The following HIBCH variants were observed in gnomAD, a reference collection of about 807,000 sequenced individuals.
The protein encoded by HIBCH is 3-hydroxyisobutyryl-CoA hydrolase.
A neutral mutation model predicts 58.2 loss-of-function variants in HIBCH; 50 were observed. The ratio of observed to expected loss-of-function variants is 0.86; its 90% confidence interval spans 0.68 to 1.09. The LOEUF (loss-of-function observed/expected upper bound fraction) is 1.09, where lower values mean the gene tolerates loss of function less well. Among genes scored for constraint, HIBCH ranks in the 50% least tolerant of loss-of-function variants. HIBCH has a pLI of 0.00. For missense variants in HIBCH, 450 were observed against 449.7 expected (o/e 1.00, Z -0.01); for synonymous variants, 151 against 146.9 (o/e 1.03, Z -0.20).
chr2:190,288,948 T>C (rs1249496299), intron 5 of HIBCH, among the ~76,000 whole-genome samples: 4 of 152,032 alleles, frequency 2.6e-5, no homozygotes, highest in Non-Finnish European at 4.4e-5. Context: ...CTGTCTCTAC[T>C]TAAAATACAA....
At position 190,306,022 on chromosome 2, in the gene HIBCH, C is replaced by A. The variant is rs1219208270; in HGVS notation, c.78+4732G>T. Among the ~76,000 whole-genome samples, 1 of 152,092 alleles carries A rather than the reference C, an allele frequency of 6.6e-6. No individual in the cohort carries two copies. The highest frequency in any genetic ancestry group is 6.6e-5 in the Admixed American group (1 of 15,260). On this transcript the variant is annotated intron_variant, in intron 2 of 13. Transcript: ENST00000359678. The surrounding 1 kb of genome is among the most constrained non-coding windows in gnomAD (Gnocchi z 4.6). The stretch of plus-strand genomic sequence containing the variant: ...ATGGAATGCCATACCTTATTCTGCA[C>A]CTCCCACTGTTAATTCAGCAACTTG...
intron 7 of HIBCH, among the ~76,000 whole-genome samples, chr2:190,256,443 C>CA (rs775861983): frequency 0.018 from 1,792 of 102,032 alleles, 24 homozygotes; most frequent in Middle Eastern, 0.042. Context: ...TCCAATTCTG[C>CA]AAAAAAAAAA....
At chr2:190,268,720 T>A (rs963156005) in intron 6 of HIBCH, among the ~76,000 whole-genome samples, 1 of 152,216 alleles carries the variant, frequency 6.6e-6, no homozygotes, top group South Asian at 2.1e-4. Flanking sequence ...TTTCCAGATA[T>A]TACTATTCTA....
chr2:190,286,441 C>T (rs771593115), intron 6 of HIBCH, among the ~76,000 whole-genome samples: 8 of 152,190 alleles, frequency 5.3e-5, no homozygotes, highest in Middle Eastern at 3.4e-3. Flanking sequence ...TCTCTATTGT[C>T]AATCTGTCTT....
chr2:190,306,180 T>C lies in HIBCH; in HGVS notation c.78+4574A>G, dbSNP rs537188013. Among the ~76,000 whole-genome samples the C allele has an allele frequency of 1.3e-5, 2 of 152,200 alleles. No homozygotes were observed. Among genetic ancestry groups the C allele is most frequent in the African/African-American group, 4.8e-5 (2 of 41,526 alleles). ...TATAGAACTTAGTCAATTACTATAA[T>C]GCAAAACTCTTGTAACCACTACCTA... On this transcript the variant is annotated intron_variant, in intron 2 of 13. Coordinates refer to ENST00000359678, the MANE Select transcript of HIBCH (RefSeq NM_014362.4). The surrounding 1 kb of genome is among the most constrained non-coding windows in gnomAD (Gnocchi z 4.6).
chr2:190,265,540 T>A (rs536243703), intron 6 of HIBCH, among the ~76,000 whole-genome samples: 1 of 151,912 alleles, frequency 6.6e-6, no homozygotes, highest in African/African-American at 2.4e-5. Flanking sequence ...GTATACCAAA[T>A]ATGTTTTCAG....
At chr2:190,232,871 T>C (rs975459677) in intron 11 of HIBCH, among the ~76,000 whole-genome samples, 3 of 152,058 alleles carry the variant, frequency 2.0e-5, no homozygotes, top group Non-Finnish European at 4.4e-5. Flanking sequence ...GGCAGGAGAA[T>C]GGCGTGAACC....
At chr2:190,249,202 G>C (rs933778671) in intron 9 of HIBCH, among the ~76,000 whole-genome samples, 6 of 152,176 alleles carry the variant, frequency 3.9e-5, no homozygotes, top group Admixed American at 1.3e-4. Context: ...AGAAGTTATG[G>C]AGTGTTTTTA....
chr2:190,270,539 G>A (rs1039656594), intron 6 of HIBCH, among the ~76,000 whole-genome samples: 3 of 152,326 alleles, frequency 2.0e-5, no homozygotes, highest in Non-Finnish European at 4.4e-5. Context: ...GGGAGAATGA[G>A]TAAGCTCCTG....
chr2:190,202,957 CA>C (rs1690292175), downstream of HIBCH: 1 of 166,988 alleles, frequency 6.0e-6, no homozygotes, highest in Admixed American at 6.5e-5. Context: ...CAGTTCTTTG[CA>C]ATCTGCCTGT....
rs1003538821 is a variant in HIBCH at position 190,197,207 on chromosome 2, G to A, written c.*18-7210C>T. On this transcript the variant is annotated intron_variant, in intron 1 of 1. Coordinates refer to the HIBCH transcript ENST00000399855. This position sits in a 1 kb window ranked among gnomAD's most constrained non-coding sequence, Gnocchi z 4.0. The stretch of plus-strand genomic sequence containing the variant: ...AAGCCACAAACATCCTAGCTCACAA[G>A]CCTAAGTCATAGCCCTTTAAGAAAA... 3.9e-5 allele frequency among the ~76,000 whole-genome samples: 6 copies of A among 152,154 alleles called. No individual in the cohort carries two copies. Among genetic ancestry groups the A allele is most frequent in the Admixed American group, 1.3e-4 (2 of 15,268 alleles).
At chr2:190,248,341 T>C (rs1686668588) in intron 9 of HIBCH, among the ~76,000 whole-genome samples, 1 of 152,192 alleles carries the variant, frequency 6.6e-6, no homozygotes. Flanking sequence ...TGGGTTTTTT[T>C]TTCTTCCAAT....
At chr2:190,294,155 T>C (rs888583553) in intron 4 of HIBCH, among the ~76,000 whole-genome samples, 19 of 151,458 alleles carry the variant, frequency 1.3e-4, no homozygotes, top group Middle Eastern at 3.4e-3. Flanking sequence ...TGTGAGAGCA[T>C]GTCATATTTG....
intron 7 of HIBCH, among the ~76,000 whole-genome samples, chr2:190,260,066 A>C (rs1010003203): frequency 2.0e-5 from 3 of 152,220 alleles, no homozygotes; most frequent in Non-Finnish European, 2.9e-5. Flanking sequence ...TATTCTACGC[A>C]ATAGGGCAAG....
rs150042398 is a variant in HIBCH at position 190,306,492 on chromosome 2, G to C, written c.78+4262C>G. 3.3e-4 allele frequency among the ~76,000 whole-genome samples: 50 copies of C among 152,192 alleles called. No homozygotes were observed. Among genetic ancestry groups the C allele is most frequent in the African/African-American group, 1.1e-3 (45 of 41,520 alleles). ...ATTTACAGCTTACTAAAACCAGCAG[G>C]TTTCCCAAATTGCATGACAGTTGTA... On this transcript the variant is annotated intron_variant, in intron 2 of 13. Transcript: ENST00000359678. This position sits in a 1 kb window ranked among gnomAD's most constrained non-coding sequence, Gnocchi z 4.6.
intron 12 of HIBCH, among the ~76,000 whole-genome samples, chr2:190,212,227 G>T (rs1287844094): frequency 6.6e-6 from 1 of 152,096 alleles, no homozygotes; most frequent in Admixed American, 6.5e-5. Flanking sequence ...TTAAGACATG[G>T]CTAACAGAGT....
intron 6 of HIBCH, among the ~76,000 whole-genome samples, chr2:190,278,413 A>G (rs1177452549): frequency 2.0e-5 from 3 of 152,172 alleles, no homozygotes; most frequent in Non-Finnish European, 2.9e-5. Flanking sequence ...CACGTTGGCC[A>G]GGCTGGTCTT....
In HIBCH at chr2:190,252,407, C is replaced by A. The variant is rs1025931896; in HGVS notation, c.518-100G>T. On this transcript the variant is annotated intron_variant, in intron 7 of 13. Transcript: ENST00000359678. ...TCACACAAACCATTTCTCTCTGGAG[C>A]TTGAATATACATTACAAACATTATT... 16 of 953,298 alleles carry A rather than the reference C, an allele frequency of 1.7e-5. No individual in the cohort carries two copies. The East Asian group carries it at 3.9e-4, about 23-fold the overall frequency. 59.1% of individuals were successfully genotyped at this position (953,298 alleles called of 1,614,324 possible). A position where few individuals can be genotyped will look rare whatever the true frequency, so the allele number is the denominator to read the frequency against.
intron 6 of HIBCH, among the ~76,000 whole-genome samples, chr2:190,273,682 C>A (rs921506539): frequency 7.2e-6 from 1 of 139,444 alleles, no homozygotes; most frequent in African/African-American, 2.6e-5. Flanking sequence ...AAGAAAGCTC[C>A]TTTCATATCT....
Sources: gnomAD v4.1 joint callset for allele counts (sites outside exome capture counted in the v4.1 genomes callset) on GRCh38, gnomAD v4.1.1 for gene constraint, Gnocchi (gnomAD v3.1) non-coding constraint, MANE v1.5 for transcripts, NCBI Gene and HGNC (gene_info 2026-07-23, HGNC 2026-07-21) for gene names.